Variants in CHD2 observed in about 807,000 individuals in gnomAD.
CHD2 encodes the protein ATP-dependent chromatin remodeler CHD2.
CHD2 carries 28 observed loss-of-function variants against 243.9 expected under a neutral mutation model. The observed-to-expected ratio is 0.11, with a 90% CI of 0.09 to 0.16. The LOEUF (loss-of-function observed/expected upper bound fraction) is 0.16, where lower values mean the gene tolerates loss of function less well. Among genes scored for constraint, CHD2 ranks in the 10% least tolerant of loss-of-function variants. CHD2 has a pLI of 1.00. For missense variants in CHD2, 1,386 were observed against 2,209.8 expected (o/e 0.63, Z 7.47); for synonymous variants, 775 against 779.0 (o/e 0.99, Z 0.09).
chr15:92,974,158 T>A (rs1463704712), intron 19 of CHD2: 1 of 152,248 alleles, frequency 6.6e-6, no homozygotes, highest in Non-Finnish European at 1.5e-5. Flanking sequence ...ATGTACAGCA[T>A]GCAGGTGATA....
intron 28 of CHD2, chr15:92,993,199 G>T (rs1356160939): frequency 5.9e-6 from 3 of 510,780 alleles, no homozygotes; most frequent in Non-Finnish European, 1.0e-5. Flanking sequence ...TTTGCAGAAG[G>T]TGTAGAGTGA....
At chr15:92,987,593 G>A (rs551223712) in intron 26 of CHD2, among the ~76,000 whole-genome samples, 2 of 144,946 alleles carry the variant, frequency 1.4e-5, no homozygotes, top group South Asian at 2.3e-4. Context: ...GGGTGACAGA[G>A]CAAAACTCTC....
intron 16 of CHD2, among the ~76,000 whole-genome samples, chr15:92,963,543 A>G (rs1461946725): frequency 6.6e-6 from 1 of 152,212 alleles, no homozygotes; most frequent in Admixed American, 6.5e-5. Flanking sequence ...AAAAAAATAT[A>G]TACTATCTTT....
intron 33 of CHD2, 132 bp from the exon 34 acceptor site, chr15:93,004,485 A>G (rs2054295548): frequency 1.2e-6 from 1 of 834,664 alleles, no homozygotes; most frequent in Admixed American, 2.9e-5. Flanking sequence ...TCAGGATTTT[A>G]TTTTACTTTT....
At position 92,900,662 on chromosome 15, in the gene CHD2, T is replaced by A; in HGVS notation, c.-234T>A. 2.5e-6 allele frequency: 1 copy of A among 398,706 alleles called. No homozygotes were observed. Among genetic ancestry groups the A allele is most frequent in the East Asian group, 3.6e-5 (1 of 28,078 alleles). 24.7% of individuals were successfully genotyped at this position (398,706 alleles called of 1,614,324 possible). A position where few individuals can be genotyped will look rare whatever the true frequency, so the allele number is the denominator to read the frequency against. ...TTTTCTTTCGGACCTGTTTTAGTAT[T>A]AATTATTGCTTTATTTTTTTGACCA... is the stretch of plus-strand genomic sequence containing the variant. On this transcript the variant is annotated 5_prime_UTR_variant, in exon 1 of 39. Coordinates refer to ENST00000394196, the MANE Select transcript of CHD2 (RefSeq NM_001271.4).
chr15:92,931,538 C>T (rs1234092820), intron 5 of CHD2, among the ~76,000 whole-genome samples: 1 of 151,138 alleles, frequency 6.6e-6, no homozygotes, highest in East Asian at 2.0e-4. Context: ...CACCACCATG[C>T]CTGATTTTGT....
intron 16 of CHD2, among the ~76,000 whole-genome samples, chr15:92,966,148 T>C (rs1409972531): frequency 2.0e-5 from 3 of 150,992 alleles, no homozygotes; most frequent in Non-Finnish European, 4.4e-5. Flanking sequence ...ACTGCAACCT[T>C]CATCTCCTGG....
intron 16 of CHD2, among the ~76,000 whole-genome samples, chr15:92,966,909 C>A (rs373647115): frequency 2.5e-3 from 326 of 132,536 alleles, no homozygotes; most frequent in Middle Eastern, 3.9e-3. Flanking sequence ...GACTCTGTCT[C>A]AAAAAAAAAA....
rs747961401 is a variant in CHD2 at position 93,020,085 on chromosome 15, C to T, written c.4980C>T (p.Asp1660=). The stretch of plus-strand genomic sequence containing the variant: ...ACAACAATCCACCATGGGGAAGCGA[C>T]AGGCACCATCAGTATGAGCAGCACT... The part of the protein sequence containing the change: ...GGNNNPPWGS[D]RHHQYEQHWY... The change falls in exon 38 of 39, where the codon GAC becomes GAT. Residue 1660 remains aspartate (D), a synonymous_variant. Transcript: ENST00000394196. 3.1e-6 allele frequency: 5 copies of T among 1,614,158 alleles called. No homozygotes were observed. The highest frequency in any genetic ancestry group is 2.2e-5 in the South Asian group (2 of 91,082).
At chr15:93,006,675 C>T (rs1015357713) in intron 34 of CHD2, among the ~76,000 whole-genome samples, 1 of 152,180 alleles carries the variant, frequency 6.6e-6, no homozygotes, top group African/African-American at 2.4e-5. Context: ...TGTCACACAG[C>T]TAAGACATAG....
At chr15:92,924,280 G>C in intron 2 of CHD2, 41 bp from the exon 3 acceptor site, 1 of 1,573,656 alleles carries the variant, frequency 6.4e-7, no homozygotes, top group Non-Finnish European at 8.7e-7. Context: ...TCATGTGTCA[G>C]TTCTTAAATA....
intron 19 of CHD2, among the ~76,000 whole-genome samples, chr15:92,973,161 A>T (rs999049449): frequency 1.3e-5 from 2 of 152,162 alleles, no homozygotes; most frequent in Non-Finnish European, 2.9e-5. Flanking sequence ...AACATAGCAG[A>T]ACACTGCTAC....
In CHD2 at chr15:92,985,148, A is replaced by G. The variant is rs552597152; in HGVS notation, c.3238-350A>G. 2.6e-5 allele frequency among the ~76,000 whole-genome samples: 4 copies of G among 152,350 alleles called. No homozygotes were observed. In the South Asian group the frequency reaches 6.2e-4, roughly 24 times the overall value. On this transcript the variant is annotated intron_variant, in intron 25 of 38. Transcript: ENST00000394196. ...TTTAACTTACTGAAAACCATCTGTTATAGGTACTATTGTCTTCATTTTTCA... is the reference window on the plus strand; with the variant it reads ...TTTAACTTACTGAAAACCATCTGTTGTAGGTACTATTGTCTTCATTTTTCA...
chr15:93,004,288 TAG>T (rs763220980), intron 33 of CHD2, among the ~76,000 whole-genome samples: 15 of 152,210 alleles, frequency 9.9e-5, no homozygotes, highest in Non-Finnish European at 2.1e-4. Flanking sequence ...CATGATACTC[TAG>T]AGAGTTCTGC....
intron 28 of CHD2, 129 bp from the exon 29 acceptor site, chr15:92,996,828 A>T: frequency 1.1e-6 from 1 of 883,026 alleles, no homozygotes; most frequent in Non-Finnish European, 1.6e-6. Flanking sequence ...CTTATAGATT[A>T]TATCTTCAAA....
At chr15:92,984,242 C>A in intron 24 of CHD2, 88 bp from the exon 25 acceptor site, 2 of 993,944 alleles carry the variant, frequency 2.0e-6, no homozygotes, top group Non-Finnish European at 2.7e-6. Context: ...TTCACAGTGT[C>A]TACTTAGATA....
chr15:92,948,334 A>T (rs2053503384), intron 12 of CHD2, among the ~76,000 whole-genome samples: 1 of 152,178 alleles, frequency 6.6e-6, no homozygotes, highest in Non-Finnish European at 1.5e-5. Flanking sequence ...TAACAGAAAG[A>T]TAGTTGTTTC....
intron 26 of CHD2, 109 bp downstream of exon 26, chr15:92,985,782 CAA>C (rs2054034589): frequency 9.0e-7 from 1 of 1,106,204 alleles, no homozygotes; most frequent in Non-Finnish European, 1.2e-6. Context: ...CTAATACCTA[CAA>C]AAAAGGAAAG....
intron 2 of CHD2, among the ~76,000 whole-genome samples, chr15:92,910,804 T>C (rs1048036965): frequency 1.1e-4 from 16 of 152,362 alleles, no homozygotes; most frequent in African/African-American, 3.6e-4. Flanking sequence ...TGTACGGTCA[T>C]GTGTTGCTTA....
Sources: allele counts gnomAD v4.1 joint callset (sites outside exome capture counted in the v4.1 genomes callset), GRCh38; gene constraint gnomAD v4.1.1; transcripts MANE v1.5; gene names NCBI Gene and HGNC (gene_info 2026-07-23, HGNC 2026-07-21).